DYNC2LI1: variants seen among roughly 807,000 people sequenced by gnomAD.
DYNC2LI1 encodes dynein cytoplasmic 2 light intermediate chain 1, also known as cytoplasmic dynein 2 light intermediate chain 1.
Under a neutral mutation model 51.9 loss-of-function variants are expected in DYNC2LI1, and 45 were observed. That is an observed-to-expected ratio of 0.87 (90% CI 0.68 to 1.11). The LOEUF is 1.11. Ranked by LOEUF, DYNC2LI1 falls within the 50% of genes most tolerant of loss-of-function variation. DYNC2LI1 has a pLI of 0.00. For missense variants in DYNC2LI1, 490 were observed against 417.4 expected, an observed-to-expected ratio of 1.17 and a Z score of -1.51; for synonymous variants, 130 against 137.8, an observed-to-expected ratio of 0.94 and a Z score of 0.40.
rs182594405 is a variant in DYNC2LI1, at chr2:43,785,779, C to G, written c.162-1402C>G. 9.9e-3 allele frequency among the ~76,000 whole-genome samples: 1,506 copies of G among 151,702 alleles called. 23 individuals carry two copies. Among genetic ancestry groups the G allele is most frequent in the Non-Finnish European group, 0.012 (807 of 67,904 alleles). ...ATGAGATATCTAAAATAATCAAACT[C>G]AGAAACAAAAAGTAGAATGGTAGTT... On this transcript the variant is annotated intron_variant, in intron 3 of 12. Coordinates refer to ENST00000260605, the MANE Select transcript of DYNC2LI1 (RefSeq NM_016008.4).
intron 5 of DYNC2LI1, chr2:43,793,884 T>C (rs994320820): frequency 2.0e-5 from 3 of 152,958 alleles, no homozygotes; most frequent in African/African-American, 7.2e-5. Flanking sequence ...AGAGACAGAA[T>C]GGTATTGCAG....
At chr2:43,828,345 G>A in the DYNC2LI1 span, 3 of 581,908 alleles carry the variant, frequency 5.2e-6, no homozygotes, top group South Asian at 5.8e-5. Flanking sequence ...TTTTTAAAAC[G>A]TCCCCAGAGG....
the DYNC2LI1 span, chr2:43,822,527 C>G: frequency 1.0e-6 from 1 of 982,372 alleles, no homozygotes; most frequent in Non-Finnish European, 1.2e-6. Context: ...CCTCTCTTCT[C>G]TGGCCCAGGC....
At chr2:43,780,733 C>T (rs75809820) in intron 2 of DYNC2LI1, among the ~76,000 whole-genome samples, 16,461 of 151,898 alleles carry the variant, frequency 0.11, 1,180 homozygotes, top group Middle Eastern at 0.2. Context: ...ATTATTGGGC[C>T]AGATTAAGGG....
intron 1 of DYNC2LI1, among the ~76,000 whole-genome samples, chr2:43,774,428 C>T (rs1265760488): frequency 2.0e-5 from 3 of 152,194 alleles, no homozygotes; most frequent in East Asian, 1.9e-4. Context: ...AGACTACTTC[C>T]GGAGCAGGAC....
chr2:43,794,754 T>C, intron 6 of DYNC2LI1, 111 bp downstream of exon 6: 1 of 1,585,182 alleles, frequency 6.3e-7, no homozygotes, highest in Admixed American at 1.8e-5. Context: ...ATTCATTTGA[T>C]GTAGATGAAC....
chr2:43,810,462 A>C (rs1049835050), downstream of DYNC2LI1: 1 of 985,330 alleles, frequency 1.0e-6, no homozygotes, highest in African/African-American at 1.7e-5. Context: ...CCAAGGTGGG[A>C]TAGCCTTTAA....
intron 2 of DYNC2LI1, among the ~76,000 whole-genome samples, chr2:43,777,721 G>C (rs3792026): frequency 6.6e-6 from 1 of 152,116 alleles, no homozygotes; most frequent in Non-Finnish European, 1.5e-5. Flanking sequence ...CAACGTCAGC[G>C]CCCAGGCAGC....
At chr2:43,824,963 G>A in the DYNC2LI1 span, 1 of 1,614,048 alleles carries the variant, frequency 6.2e-7, no homozygotes, top group African/African-American at 1.3e-5. Flanking sequence ...CATTTCCGCT[G>A]GCGTGCCACA....
chr2:43,781,017 A>C (rs981261346), intron 2 of DYNC2LI1, among the ~76,000 whole-genome samples: 5 of 152,156 alleles, frequency 3.3e-5, no homozygotes, highest in African/African-American at 1.2e-4. Flanking sequence ...AGATTAGTTT[A>C]TGTTAATTTG....
At chr2:43,806,125 A>T (rs1296196006) in intron 12 of DYNC2LI1, among the ~76,000 whole-genome samples, 1 of 152,066 alleles carries the variant, frequency 6.6e-6, no homozygotes, top group Non-Finnish European at 1.5e-5. Context: ...CTCGTGATCC[A>T]TCCGCCTTGG....
the DYNC2LI1 span, among the ~76,000 whole-genome samples, chr2:43,825,278 G>A: frequency 2.6e-5 from 4 of 152,142 alleles, no homozygotes; most frequent in African/African-American, 4.8e-5. Context: ...CCATCCTGAC[G>A]CCCAGCTTCA....
chr2:43,813,146 G>C (rs756933364), downstream of DYNC2LI1: 1 of 1,437,398 alleles, frequency 7.0e-7, no homozygotes, highest in Non-Finnish European at 9.8e-7. Flanking sequence ...CCCTTATTTT[G>C]AAAACAACTA....
At position 43,805,056 on chromosome 2, in the gene DYNC2LI1, T is replaced by G. The variant is rs577266495; in HGVS notation, c.901-98T>G. 23 of 752,430 alleles carry G rather than the reference T, an allele frequency of 3.1e-5. No individual in the cohort carries two copies. The African/African-American group carries it at 3.7e-4, about 12-fold the overall frequency. 46.6% of individuals were successfully genotyped at this position (752,430 alleles called of 1,614,324 possible). A position where few individuals can be genotyped will look rare whatever the true frequency, so the allele number is the denominator to read the frequency against. On this transcript the variant is annotated intron_variant, in intron 11 of 12. Coordinates refer to ENST00000260605, the MANE Select transcript of DYNC2LI1 (RefSeq NM_016008.4). ...CTAGAAAGATCATAGAGAGCCTTTG[T>G]GGCAGGCTGAGGAATGGGAGCTTGG...
At chr2:43,781,518 G>T (rs1673280862) in intron 2 of DYNC2LI1, 1 of 151,710 alleles carries the variant, frequency 6.6e-6, no homozygotes, top group African/African-American at 2.4e-5. Flanking sequence ...TTTGGGTAAT[G>T]TAGCCCTTAT....
At chr2:43,822,147 C>G in the DYNC2LI1 span, among the ~76,000 whole-genome samples, 3 of 152,154 alleles carry the variant, frequency 2.0e-5, no homozygotes, top group Non-Finnish European at 1.5e-5. Context: ...CCAAGTTTCT[C>G]AAAACAGAAT....
the DYNC2LI1 span, among the ~76,000 whole-genome samples, chr2:43,827,587 T>G: frequency 5.9e-5 from 9 of 152,192 alleles, no homozygotes; most frequent in African/African-American, 1.9e-4. Flanking sequence ...AGTTTATCAT[T>G]CAAATTCCTA....
chr2:43,805,338 T>A, intron 12 of DYNC2LI1, 92 bp downstream of exon 12: 2 of 692,916 alleles, frequency 2.9e-6, no homozygotes, highest in Non-Finnish European at 5.0e-6. Context: ...CTCTATGTAT[T>A]TACTTAGAGT....
chr2:43,774,845 C>T (rs1298659707), intron 1 of DYNC2LI1, among the ~76,000 whole-genome samples: 1 of 152,176 alleles, frequency 6.6e-6, no homozygotes, highest in African/African-American at 2.4e-5. Context: ...TGGCTGACTG[C>T]AGCACCTCCG....
Sources: allele counts gnomAD v4.1 joint callset (sites outside exome capture counted in the v4.1 genomes callset), GRCh38; gene constraint gnomAD v4.1.1; transcripts MANE v1.5; gene names NCBI Gene and HGNC (gene_info 2026-07-23, HGNC 2026-07-21).